TRIP12: variants seen among roughly 807,000 people sequenced by gnomAD.
TRIP12 encodes the protein thyroid hormone receptor interactor 12.
A neutral mutation model predicts 244.2 loss-of-function variants in TRIP12; 25 were observed. That is an observed-to-expected ratio of 0.10 (90% CI 0.07 to 0.14). TRIP12 has a LOEUF of 0.14. TRIP12 is among the 10% of genes least tolerant of loss of function. TRIP12 has a pLI of 1.00. For missense variants in TRIP12, 1,677 were observed against 2,486.4 expected (o/e 0.67, Z 6.92); for synonymous variants, 905 against 873.1 (o/e 1.04, Z -0.64).
chr2:229,814,434 T>A, intron 11 of TRIP12, 109 bp from the exon 12 acceptor site: 1 of 1,014,326 alleles, frequency 9.9e-7, no homozygotes, highest in Non-Finnish European at 1.5e-6. Context: ...ATCTCTAACA[T>A]GTAACCCACC....
chr2:229,768,708 T>G lies in TRIP12; in HGVS notation c.5915A>C (p.Lys1972Thr), dbSNP rs755456651. ...ACTACTGAGAATCTCAAACAAAAAC[T>G]TCACAGCCCGACTATAACAGAAATA... is the stretch of plus-strand genomic sequence containing the variant. ...HGYTHDSRAV[K>T]FLFEILSSFD... The change falls in exon 41 of 42, where the codon AAG becomes ACG. Residue 1972 changes from lysine to threonine, a missense_variant. Around this residue, in one of 11 missense-constraint regions of TRIP12, gnomAD observed 171 missense variants for 388.4 expected, o/e 0.44. Transcript: ENST00000675903. 1.7e-5 allele frequency: 28 copies of G among 1,605,632 alleles called. No individual in the cohort carries two copies. Among genetic ancestry groups the G allele is most frequent in the Non-Finnish European group, 2.4e-5 (28 of 1,178,082 alleles).
At chr2:229,861,584 A>G (rs2060491571) in intron 2 of TRIP12, among the ~76,000 whole-genome samples, 1 of 152,202 alleles carries the variant, frequency 6.6e-6, no homozygotes, top group African/African-American at 2.4e-5. Flanking sequence ...CTTAGAAATG[A>G]GTCACTGAAA....
chr2:229,841,645 G>A (rs2056447950), intron 4 of TRIP12, among the ~76,000 whole-genome samples: 1 of 152,160 alleles, frequency 6.6e-6, no homozygotes, highest in African/African-American at 2.4e-5. Context: ...TGACATACTA[G>A]GCAGTATACT....
intron 2 of TRIP12, among the ~76,000 whole-genome samples, chr2:229,867,128 G>A (rs1411483486): frequency 1.4e-5 from 2 of 145,434 alleles, no homozygotes; most frequent in Non-Finnish European, 3.0e-5. Flanking sequence ...TTTAAGTGTA[G>A]GCTATGGTCA....
At chr2:229,844,371 A>T (rs1379982462) in intron 4 of TRIP12, among the ~76,000 whole-genome samples, 1 of 152,228 alleles carries the variant, frequency 6.6e-6, no homozygotes. Context: ...CCAATACTGG[A>T]ATGGCTTTTA....
At chr2:229,771,717 C>T in intron 38 of TRIP12, 85 bp from the exon 39 acceptor site, 1 of 897,602 alleles carries the variant, frequency 1.1e-6, no homozygotes, top group Non-Finnish European at 1.8e-6. Flanking sequence ...AGTGAAACAC[C>T]CTTCTGGATC....
At chr2:229,786,411 T>G (rs1234969742) in intron 33 of TRIP12, among the ~76,000 whole-genome samples, 1 of 150,376 alleles carries the variant, frequency 6.6e-6, no homozygotes, top group Non-Finnish European at 1.5e-5. Flanking sequence ...TTTTTTTTTT[T>G]TTTTTTAGGT....
chr2:229,860,453 C>A lies in TRIP12; in HGVS notation c.177G>T (p.Val59=), dbSNP rs2060284818. 2 of 1,611,754 alleles carry A rather than the reference C, an allele frequency of 1.2e-6. No individual in the cohort carries two copies. The highest frequency in any genetic ancestry group is 1.7e-6 in the Non-Finnish European group (2 of 1,179,290). ...SRKSNSKAPK[V]QSNTTSELSR... is the part of the protein sequence containing the mutation. ...ACAGTTCAGAAGTAGTATTAGACTG[C>A]ACTTTGGGTGCCTTAGAATTAGATT... The change falls in exon 3 of 42, where the codon GTG becomes GTT. Residue 59 remains valine (V), a synonymous_variant. Transcript: ENST00000675903.
intron 4 of TRIP12, among the ~76,000 whole-genome samples, chr2:229,850,848 G>A (rs970176396): frequency 1.4e-4 from 21 of 152,260 alleles, no homozygotes; most frequent in Non-Finnish European, 2.2e-4. Context: ...GCAATGAGGG[G>A]CTCAGCACCC....
At chr2:229,785,360 C>T (rs1343807398) in intron 34 of TRIP12, among the ~76,000 whole-genome samples, 1 of 152,200 alleles carries the variant, frequency 6.6e-6, no homozygotes, top group Non-Finnish European at 1.5e-5. Context: ...TATTCTTTAT[C>T]TTGACGTGAA....
intron 34 of TRIP12, among the ~76,000 whole-genome samples, chr2:229,783,334 A>G (rs1046083814): frequency 6.6e-6 from 1 of 152,244 alleles, no homozygotes; most frequent in Non-Finnish European, 1.5e-5. Flanking sequence ...GATGGAGACC[A>G]TGTGACCCAC....
chr2:229,789,796 A>C (rs766620038), intron 30 of TRIP12, 34 bp from the exon 31 acceptor site: 4 of 1,610,762 alleles, frequency 2.5e-6, no homozygotes, highest in Non-Finnish European at 3.4e-6. Context: ...AGTTTTGATC[A>C]AAGTTAGAAA....
In TRIP12 at chr2:229,764,096, T is replaced by C. The variant is rs2031109618; in HGVS notation, c.*3458A>G. On this transcript the variant is annotated 3_prime_UTR_variant, in exon 42 of 42. Transcript: ENST00000675903. ...ATGTCTCCTTCATGCAGAACAAGTCTTTAGCATTAAGAACTTTTCCTTGCA... is the reference window on the plus strand; with the variant it reads ...ATGTCTCCTTCATGCAGAACAAGTCCTTAGCATTAAGAACTTTTCCTTGCA... 1 of 152,244 alleles carries C rather than the reference T, an allele frequency of 6.6e-6. No homozygotes were observed. Among genetic ancestry groups the C allele is most frequent in the African/African-American group, 2.4e-5 (1 of 41,460 alleles). 9.4% of individuals were successfully genotyped at this position (152,244 alleles called of 1,614,324 possible).
At chr2:229,912,759 T>G (rs1486996373) in intron 1 of TRIP12, among the ~76,000 whole-genome samples, 1 of 152,242 alleles carries the variant, frequency 6.6e-6, no homozygotes, top group African/African-American at 2.4e-5. Flanking sequence ...TACAACAAAG[T>G]ACATTTCAAG....
intron 2 of TRIP12, among the ~76,000 whole-genome samples, chr2:229,875,416 T>A (rs746076659): frequency 8.5e-5 from 13 of 152,120 alleles, no homozygotes; most frequent in Admixed American, 2.0e-4. Context: ...CAAAAATGAA[T>A]CCTAGCACAA....
intron 1 of TRIP12, among the ~76,000 whole-genome samples, chr2:229,898,076 C>G (rs1210521858): frequency 6.6e-6 from 1 of 152,140 alleles, no homozygotes; most frequent in Non-Finnish European, 1.5e-5. Context: ...AAGAGAGAGA[C>G]AGCAGACACA....
chr2:229,873,245 AG>A (rs1406799983), intron 2 of TRIP12, among the ~76,000 whole-genome samples: 1 of 152,246 alleles, frequency 6.6e-6, no homozygotes, highest in Non-Finnish European at 1.5e-5. Flanking sequence ...TAATGTGAAC[AG>A]GAAGTAAAAA....
At position 229,837,002 on chromosome 2, in the gene TRIP12, C is replaced by T; in HGVS notation, c.1134-18G>A. The T allele has an allele frequency of 2.0e-6, 3 of 1,516,382 alleles. No homozygotes were observed. Among genetic ancestry groups the T allele is most frequent in the Non-Finnish European group, 2.6e-6 (3 of 1,136,600 alleles). The allele number at this position is 1,516,382 out of a possible 1,614,324, so 93.9% of individuals were successfully genotyped here. A position where few individuals can be genotyped will look rare whatever the true frequency, so the allele number is the denominator to read the frequency against. On this transcript the variant is annotated intron_variant, in intron 5 of 41. Coordinates refer to ENST00000675903, the MANE Select transcript of TRIP12 (RefSeq NM_001348323.3). ...CTCGCCGACTACAACAGAAAAATGT[C>T]ATCATGGGCAGCATTACCAGTGAAC...
intron 6 of TRIP12, among the ~76,000 whole-genome samples, chr2:229,834,466 G>A (rs1055189365): frequency 3.3e-5 from 5 of 152,128 alleles, no homozygotes; most frequent in Admixed American, 1.3e-4. Flanking sequence ...CCAAATCTAC[G>A]AATGCATAGC....
Sources: gnomAD v4.1 joint callset for allele counts (sites outside exome capture counted in the v4.1 genomes callset) on GRCh38, gnomAD v4.1.1 for gene constraint, gnomAD v4.1.1 regional missense constraint, MANE v1.5 for transcripts, NCBI Gene and HGNC (gene_info 2026-07-23, HGNC 2026-07-21) for gene names.